The following NDRG2 variants were observed in gnomAD, a reference collection of about 807,000 sequenced individuals.
NDRG2 encodes NDRG family member 2.
Under a neutral mutation model 58.2 loss-of-function variants are expected in NDRG2, and 34 were observed. The ratio of observed to expected loss-of-function variants is 0.58; its 90% CI spans 0.44 to 0.78. NDRG2 has a LOEUF of 0.78. NDRG2 is among the 30% of genes least tolerant of loss of function. The pLI is 0.00. For missense variants in NDRG2, 434 were observed against 471.2 expected, an observed-to-expected ratio of 0.92 and a Z score of 0.73; for synonymous variants, 187 against 175.9, an observed-to-expected ratio of 1.06 and a Z score of -0.50.
intron 1 of NDRG2, chr14:21,048,606 T>C (rs1885317257): frequency 6.6e-6 from 1 of 152,176 alleles, no homozygotes; most frequent in South Asian, 2.1e-4. Context: ...TTCAGGGACA[T>C]GGATCTTCAC....
At chr14:21,046,656 C>T (rs1193169564) in intron 1 of NDRG2, among the ~76,000 whole-genome samples, 1 of 152,142 alleles carries the variant, frequency 6.6e-6, no homozygotes, top group African/African-American at 2.4e-5. Context: ...GCCTAGTGTA[C>T]AGTCGAAAAT....
intron 7 of NDRG2, 24 bp from the exon 8 acceptor site, chr14:21,020,606 A>G (rs374169283): frequency 1.2e-6 from 2 of 1,610,526 alleles, no homozygotes; most frequent in Non-Finnish European, 1.7e-6. Flanking sequence ...GAAGGAAGGA[A>G]ATGAGAAACA....
At chr14:21,038,035 C>T (rs923974437) in intron 1 of NDRG2, among the ~76,000 whole-genome samples, 1 of 152,192 alleles carries the variant, frequency 6.6e-6, no homozygotes, top group African/African-American at 2.4e-5. Context: ...ATTCAAGTTG[C>T]TCAAACAATA....
chr14:21,037,720 A>T (rs1884711998), intron 1 of NDRG2, among the ~76,000 whole-genome samples: 1 of 152,240 alleles, frequency 6.6e-6, no homozygotes. Context: ...AATGATAAAC[A>T]TCTGGGACAT....
At chr14:21,052,675 A>T (rs1216099059) in intron 1 of NDRG2, among the ~76,000 whole-genome samples, 1 of 152,214 alleles carries the variant, frequency 6.6e-6, no homozygotes, top group Admixed American at 6.5e-5. Context: ...GAAGGCTTTG[A>T]TTCCAGGCTG....
chr14:21,039,961 A>G (rs1884815648), intron 1 of NDRG2, among the ~76,000 whole-genome samples: 1 of 152,232 alleles, frequency 6.6e-6, no homozygotes, highest in African/African-American at 2.4e-5. Context: ...AGTAGAAAGG[A>G]GACCAAGCTA....
At position 21,024,749 on chromosome 14, in the gene NDRG2, C is replaced by T. The variant is rs1882867650; in HGVS notation, c.-726G>A. 1.3e-5 allele frequency: 13 copies of T among 985,506 alleles called. No individual in the cohort carries two copies. The highest frequency in any genetic ancestry group is 1.6e-5 in the Non-Finnish European group (13 of 830,008). 61.0% of individuals were successfully genotyped at this position (985,506 alleles called of 1,614,324 possible). A position where few individuals can be genotyped will look rare whatever the true frequency, so the allele number is the denominator to read the frequency against. On this transcript the variant is annotated 5_prime_UTR_variant, in exon 1 of 16. Coordinates refer to ENST00000556147, the MANE Select transcript of NDRG2 (RefSeq NM_001320329.2). ...CCGGCCGGGCCCAGCACCCGGAACCCGTCCCTACGAGTCCCTACGCAGCCC... is the reference window on the plus strand; with the variant it reads ...CCGGCCGGGCCCAGCACCCGGAACCTGTCCCTACGAGTCCCTACGCAGCCC...
At chr14:21,025,458 T>A (rs1883407617), upstream of NDRG2, 11 of 985,492 alleles carry the variant, frequency 1.1e-5, no homozygotes, top group Non-Finnish European at 1.3e-5. The surrounding 1 kb of genome is among the most constrained non-coding windows in gnomAD (Gnocchi z 5.1). Flanking sequence ...GAACCGGTAG[T>A]GGGGAGACGA....
Position 21,024,988 on chromosome 14 carries a change from C to T in NDRG2, c.-965G>A. On this transcript the variant is annotated 5_prime_UTR_variant, in exon 1 of 16. Coordinates refer to ENST00000556147, the MANE Select transcript of NDRG2 (RefSeq NM_001320329.2). Reference sequence around the variant, plus strand: ...ACACCGCCCGCCGGCCCGGCTGGCGCCTTCCAGGCCCTACGGCCCCTCGCC... The same window carrying T: ...ACACCGCCCGCCGGCCCGGCTGGCGTCTTCCAGGCCCTACGGCCCCTCGCC... 3.0e-6 allele frequency: 3 copies of T among 985,664 alleles called. No homozygotes were observed. The highest frequency in any genetic ancestry group is 3.6e-6 in the Non-Finnish European group (3 of 830,126). The allele number at this position is 985,664 out of a possible 1,614,324, so 61.1% of individuals were successfully genotyped here.
At chr14:21,023,922 C>T (rs1882267587) in intron 1 of NDRG2, 108 bp downstream of exon 1, 1 of 974,416 alleles carries the variant, frequency 1.0e-6, no homozygotes, top group African/African-American at 1.8e-5. Context: ...ACCCTTCCTC[C>T]CAACTCTGAA....
intron 1 of NDRG2, chr14:21,043,168 A>G: frequency 6.2e-7 from 1 of 1,614,146 alleles, no homozygotes; most frequent in Non-Finnish European, 8.5e-7. Context: ...AAAAACATTA[A>G]CAAGCACACA....
In NDRG2 at chr14:21,066,299, CTT is replaced by C. The variant is rs35527465; in HGVS notation, c.24+4527_24+4528del. 7.4e-5 allele frequency among the ~76,000 whole-genome samples: 11 copies of C among 148,310 alleles called. No homozygotes were observed. In the South Asian group the frequency reaches 8.4e-4, roughly 11 times the overall value. On this transcript the variant is annotated intron_variant, in intron 1 of 14. Transcript: ENST00000403829. ...CGGGGTTGATGAGATTTATTTGGAT[CTT>C]TTTTTTTTGGTTGTGTTTTTTTTGT...
chr14:21,040,340 C>G (rs1884831212), intron 1 of NDRG2, among the ~76,000 whole-genome samples: 1 of 152,164 alleles, frequency 6.6e-6, no homozygotes, highest in African/African-American at 2.4e-5. Flanking sequence ...TGACCCCCAA[C>G]CCACAGCTGT....
At position 21,034,269 on chromosome 14, in the gene NDRG2, C is replaced by T. The variant is rs372779444; in HGVS notation, c.25-10948G>A. The T allele has an allele frequency of 1.3e-5, 21 of 1,611,950 alleles. No homozygotes were observed. The highest frequency in any genetic ancestry group is 5.3e-5 in the African/African-American group (4 of 74,828). On this transcript the variant is annotated intron_variant, in intron 1 of 14. Transcript: ENST00000403829. ...CAGAACAAGCTGGAGGAAAAGGAGC[C>T]GGGTCACAGCTGGTGCCATTCCTCC...
chr14:21,060,534 T>C (rs983424651), intron 1 of NDRG2, among the ~76,000 whole-genome samples: 13 of 152,204 alleles, frequency 8.5e-5, no homozygotes, highest in Non-Finnish European at 1.9e-4. Flanking sequence ...CACTGTACTC[T>C]ACTTGAGTGA....
intron 1 of NDRG2, among the ~76,000 whole-genome samples, chr14:21,063,878 T>C (rs186047633): frequency 1.3e-5 from 2 of 152,322 alleles, no homozygotes; most frequent in Admixed American, 1.3e-4. Flanking sequence ...AATTTACCTA[T>C]GGAGATAGCT....
At chr14:21,018,431 C>CG in intron 13 of NDRG2, 26 bp downstream of exon 13, 1 of 1,612,762 alleles carries the variant, frequency 6.2e-7, no homozygotes, top group Non-Finnish European at 8.5e-7. Context: ...TGACTGTGGA[C>CG]GGGGGCCCAG....
chr14:21,022,572 G>A (rs1267355662), intron 3 of NDRG2, 75 bp from the exon 4 acceptor site: 1 of 1,119,640 alleles, frequency 8.9e-7, no homozygotes, highest in African/African-American at 1.6e-5. Context: ...CAAGGTCAGG[G>A]AGCTGGGAGT....
At position 21,024,051 on chromosome 14, in the gene NDRG2, C is replaced by T; in HGVS notation, c.-28G>A. 2.0e-6 allele frequency: 2 copies of T among 985,640 alleles called. No individual in the cohort carries two copies. The highest frequency in any genetic ancestry group is 2.4e-6 in the Non-Finnish European group (2 of 830,092). The allele number at this position is 985,640 out of a possible 1,614,324, so 61.1% of individuals were successfully genotyped here. A position where few individuals can be genotyped will look rare whatever the true frequency, so the allele number is the denominator to read the frequency against. On this transcript the variant is annotated 5_prime_UTR_variant, in exon 1 of 16. Coordinates refer to ENST00000556147, the MANE Select transcript of NDRG2 (RefSeq NM_001320329.2). ...TTACTGGGCTCCTATTGGCTGGATG[C>T]AGTGGGATTAGGGGTCAGGGTTCTC...
Sources: allele counts gnomAD v4.1 joint callset (sites outside exome capture counted in the v4.1 genomes callset), GRCh38; gene constraint gnomAD v4.1.1; non-coding constraint Gnocchi (gnomAD v3.1); transcripts MANE v1.5; gene names NCBI Gene and HGNC (gene_info 2026-07-23, HGNC 2026-07-21).